The following XPO5 variants were observed in gnomAD, a reference collection of about 807,000 sequenced individuals.
XPO5 encodes the protein exportin 5.
Under a neutral mutation model 160.6 loss-of-function variants are expected in XPO5, and 46 were observed. That is an observed-to-expected ratio of 0.29 (90% CI 0.23 to 0.37). The LOEUF (loss-of-function observed/expected upper bound fraction) is 0.37, where lower values mean the gene tolerates loss of function less well. Among genes scored for constraint, XPO5 ranks in the 10% least tolerant of loss-of-function variants. XPO5 has a pLI of 1.00. For synonymous variants in XPO5, 537 were observed against 519.3 expected (o/e 1.03, Z -0.46); for missense variants, 1,090 against 1,463.9 (o/e 0.74, Z 4.17).
chr6:43,539,046 C>T (rs1260715654), intron 20 of XPO5: 15 of 1,540,768 alleles, frequency 9.7e-6, no homozygotes, highest in African/African-American at 2.7e-5. Context: ...TAGCAGTCAT[C>T]GATACCAGCC....
At chr6:43,570,184 C>A (rs1158826297) in intron 5 of XPO5, among the ~76,000 whole-genome samples, 2 of 150,306 alleles carry the variant, frequency 1.3e-5, no homozygotes, top group African/African-American at 4.9e-5. Context: ...TGGTGGCGGG[C>A]GCCTGTAGTC....
chr6:43,567,846 G>A (rs1762773627), intron 6 of XPO5, among the ~76,000 whole-genome samples: 1 of 151,680 alleles, frequency 6.6e-6, no homozygotes, highest in East Asian at 1.9e-4. Context: ...GTTGAGGTAA[G>A]GCTCACTTGA....
At chr6:43,572,703 TG>T in intron 2 of XPO5, 125 bp from the exon 3 acceptor site, 1 of 1,069,348 alleles carries the variant, frequency 9.4e-7, no homozygotes, top group Non-Finnish European at 1.4e-6. Flanking sequence ...CTTTTGATTT[TG>T]TACCTGTCAA....
intron 17 of XPO5, among the ~76,000 whole-genome samples, chr6:43,548,950 T>C (rs1205497650): frequency 6.6e-6 from 1 of 152,160 alleles, no homozygotes; most frequent in Non-Finnish European, 1.5e-5. Context: ...ATTATAGGGG[T>C]AAACTTAGTA....
chr6:43,545,077 TGGCCA>T (rs1333852692), intron 20 of XPO5, among the ~76,000 whole-genome samples: 1 of 151,952 alleles, frequency 6.6e-6, no homozygotes, highest in East Asian at 2.0e-4. Context: ...TTCATCATGT[TGGCCA>T]GGCTGGTCTG....
In XPO5 at chr6:43,570,902, A is replaced by G. The variant is rs1252493730; in HGVS notation, c.393T>C (p.His131=). The change falls in exon 4 of 32, where the codon CAT becomes CAC. Residue 131 remains histidine (H), a synonymous_variant. Coordinates refer to ENST00000265351, the MANE Select transcript of XPO5 (RefSeq NM_020750.3). ...CCAATTCTATTAGCATGTCAGGCCA[A>G]TGCTGTGGCCACTCTCGCTTGATCA... is the stretch of plus-strand genomic sequence containing the variant. ...VEMIKREWPQ[H]WPDMLIELDT... 6.2e-7 allele frequency: 1 copy of G among 1,613,748 alleles called. No homozygotes were observed. The highest frequency in any genetic ancestry group is 1.1e-5 in the South Asian group (1 of 91,052).
In XPO5 at chr6:43,570,870, A is replaced by T. The variant is rs1413210153; in HGVS notation, c.425T>A (p.Leu142His). ...WPDMLIELDT[L>H]SKQGETQTEL... is the part of the protein sequence containing the mutation. ...TGTGTTTCATACCCCTTGTTTGGAA[A>T]GAGTGTCCAATTCTATTAGCATGTC... is the stretch of plus-strand genomic sequence containing the variant. The change falls in exon 4 of 32, where the codon CTT becomes CAT. Residue 142 changes from leucine (L) to histidine (H), a missense_variant. This residue lies in a region of XPO5 where 170 missense variants were observed against 227.0 expected (regional missense o/e 0.75). Transcript: ENST00000265351. 1.9e-6 allele frequency: 3 copies of T among 1,611,016 alleles called. No homozygotes were observed. Among genetic ancestry groups the T allele is most frequent in the Admixed American group, 3.4e-5 (2 of 59,232 alleles).
At chr6:43,526,337 A>G (rs1475450831) in intron 27 of XPO5, 1 of 389,826 alleles carries the variant, frequency 2.6e-6, no homozygotes, top group African/African-American at 2.0e-5. Flanking sequence ...GGGTAGTGAC[A>G]ACTGCTATGA....
intron 7 of XPO5, chr6:43,566,677 G>T: frequency 2.4e-6 from 1 of 418,240 alleles, no homozygotes; most frequent in South Asian, 1.7e-5. Flanking sequence ...GGGCATGGTG[G>T]CGTGTGCCTA....
chr6:43,546,415 T>G (rs1371257144), intron 20 of XPO5, among the ~76,000 whole-genome samples, 156 bp downstream of exon 20: 6 of 152,170 alleles, frequency 3.9e-5, no homozygotes, highest in Admixed American at 3.9e-4. Flanking sequence ...CTGATGTTAT[T>G]TTTTTTAAAA....
chr6:43,526,559 C>T (rs1793604623), intron 27 of XPO5, 126 bp downstream of exon 27: 4 of 1,068,400 alleles, frequency 3.7e-6, no homozygotes, highest in South Asian at 1.4e-5. Flanking sequence ...GAGGGCTGGT[C>T]CAGAGATGAT....
At chr6:43,561,405 G>T in intron 9 of XPO5, 1 of 163,414 alleles carries the variant, frequency 6.1e-6, no homozygotes. Flanking sequence ...TTTAGATGGA[G>T]TCTCACTCTG....
At position 43,551,319 on chromosome 6, in the gene XPO5, G is replaced by T; in HGVS notation, c.1707C>A (p.Phe569Leu). ...LFPFVTYRPEFLPQVFSKLFS... is the reference protein window; with the variant it reads ...LFPFVTYRPELLPQVFSKLFS... ...ATACCTTAGAGAAGACCTGGGGCAG[G>T]AACTCTGGTCTGTAGGTGACAAATG... is the stretch of plus-strand genomic sequence containing the variant. The change falls in exon 15 of 32, where the codon TTC (phenylalanine) becomes TTA (leucine). Residue 569 changes from phenylalanine to leucine, a missense_variant. This residue lies in a region of XPO5 where 810 missense variants were observed against 1,139.0 expected (regional missense o/e 0.71). Coordinates refer to ENST00000265351, the MANE Select transcript of XPO5 (RefSeq NM_020750.3). The T allele has an allele frequency of 6.2e-7, 1 of 1,613,192 alleles. No homozygotes were observed. The highest frequency in any genetic ancestry group is 8.5e-7 in the Non-Finnish European group (1 of 1,179,550).
At position 43,525,335 on chromosome 6, in the gene XPO5, G is replaced by A; in HGVS notation, c.3067-121C>T. 4 of 948,764 alleles carry A rather than the reference G, an allele frequency of 4.2e-6. No homozygotes were observed. The South Asian group carries it at 5.1e-5, about 12-fold the overall frequency. 58.8% of individuals were successfully genotyped at this position (948,764 alleles called of 1,614,324 possible). A position where few individuals can be genotyped will look rare whatever the true frequency, so the allele number is the denominator to read the frequency against. ...CCTCCCCCCCTCTAAAGATGGGTTT[G>A]TTTTGTTGCCCAGGCTGGTCCTGAA... On this transcript the variant is annotated intron_variant, in intron 28 of 31. Coordinates refer to ENST00000265351, the MANE Select transcript of XPO5 (RefSeq NM_020750.3).
rs112571374 is a variant in XPO5 at position 43,568,405 on chromosome 6, G to A, written c.648+306C>T. Among the ~76,000 whole-genome samples, 4,975 of 152,012 alleles carry A rather than the reference G, an allele frequency of 0.033. 263 individuals carry two copies. The highest frequency in any genetic ancestry group is 0.11 in the African/African-American group (4,601 of 41,454). ...GGCTGGAGGATCACTTGAAGCCAGG[G>A]GTTTGACACCGGCCTAGGCAACACA... On this transcript the variant is annotated intron_variant, in intron 6 of 31. Coordinates refer to ENST00000265351, the MANE Select transcript of XPO5 (RefSeq NM_020750.3).
Position 43,575,893 on chromosome 6 carries a change from C to T in XPO5, c.-29G>A, listed in dbSNP as rs779187060. 1 of 1,605,742 alleles carries T rather than the reference C, an allele frequency of 6.2e-7. No homozygotes were observed. ...TAGCGCCACGCGCCGAGAGCGCACACCACTGCAGTCCCGGGACCACGAGGC... is the reference window on the plus strand; with the variant it reads ...TAGCGCCACGCGCCGAGAGCGCACATCACTGCAGTCCCGGGACCACGAGGC... On this transcript the variant is annotated 5_prime_UTR_variant, in exon 1 of 32. The change creates a new upstream start codon in the 5' untranslated region. Coordinates refer to ENST00000265351, the MANE Select transcript of XPO5 (RefSeq NM_020750.3).
intron 18 of XPO5, 61 bp downstream of exon 18, chr6:43,548,200 G>A: frequency 6.7e-7 from 1 of 1,485,298 alleles, no homozygotes; most frequent in Non-Finnish European, 9.0e-7. Flanking sequence ...CCTGGGCCTA[G>A]CTCTTAAACC....
At chr6:43,552,193 G>A (rs1795260234) in intron 14 of XPO5, among the ~76,000 whole-genome samples, 1 of 152,088 alleles carries the variant, frequency 6.6e-6, no homozygotes, top group African/African-American at 2.4e-5. Flanking sequence ...GAGTAGCTGG[G>A]ATTACAGGCA....
At chr6:43,543,420 C>T (rs982442262) in intron 20 of XPO5, among the ~76,000 whole-genome samples, 5 of 152,010 alleles carry the variant, frequency 3.3e-5, no homozygotes, top group African/African-American at 7.3e-5. Context: ...AACACTGCAC[C>T]CCAACCTGGG....
Sources: gnomAD v4.1 joint callset for allele counts (sites outside exome capture counted in the v4.1 genomes callset) on GRCh38, gnomAD v4.1.1 for gene constraint, gnomAD v4.1.1 regional missense constraint, MANE v1.5 for transcripts, NCBI Gene and HGNC (gene_info 2026-07-23, HGNC 2026-07-21) for gene names.